MEIOB: variants seen among roughly 807,000 people sequenced by gnomAD.
The protein encoded by MEIOB is meiosis specific with OB-fold.
In MEIOB, 50 loss-of-function variants were observed where a neutral mutation model predicts 53.1. The ratio of observed to expected loss-of-function variants is 0.94; its 90% CI spans 0.75 to 1.19. The LOEUF is 1.19. Among genes scored for constraint, MEIOB ranks in the 50% most tolerant of loss-of-function variants. The probability of loss-of-function intolerance (pLI) is 0.00; values close to 1 mark genes in which losing one functional copy is unlikely to be tolerated. For synonymous variants in MEIOB, 192 were observed against 182.5 expected (o/e 1.05, Z -0.42); for missense variants, 551 against 550.8 (o/e 1.00, Z 0.00).
At chr16:1,871,910 G>A (rs112332693) in intron 1 of MEIOB, 83 bp downstream of exon 1, 1,747 of 26,158 alleles carry the variant, frequency 0.067, 196 homozygotes, top group Middle Eastern at 0.12. Context: ...GCCCTGACCC[G>A]CGCGGGCTCC....
intron 9 of MEIOB, among the ~76,000 whole-genome samples, chr16:1,847,506 G>A (rs1022692100): frequency 3.3e-5 from 5 of 151,452 alleles, no homozygotes; most frequent in Admixed American, 2.0e-4. Context: ...GCCAAGCAAG[G>A]TGGCTCACAC....
chr16:1,858,059 G>A, intron 5 of MEIOB, 129 bp from the exon 6 acceptor site: 1 of 613,286 alleles, frequency 1.6e-6, no homozygotes, highest in Non-Finnish European at 2.8e-6. Flanking sequence ...TTTACTCTTA[G>A]AAACATTGAA....
At chr16:1,856,172 T>TG (rs1242693688) in intron 6 of MEIOB, among the ~76,000 whole-genome samples, 7 of 150,718 alleles carry the variant, frequency 4.6e-5, no homozygotes, top group African/African-American at 2.4e-5. Flanking sequence ...TTTTTTTTTT[T>TG]TGAGACGGAG....
At chr16:1,839,646 T>C (rs1006260780) in intron 11 of MEIOB, 7 of 505,424 alleles carry the variant, frequency 1.4e-5, no homozygotes, top group African/African-American at 3.9e-5. Context: ...TGAAACTGCG[T>C]ACACCAGTCC....
At chr16:1,836,839 G>A (rs1164708368) in intron 13 of MEIOB, among the ~76,000 whole-genome samples, 1 of 152,208 alleles carries the variant, frequency 6.6e-6, no homozygotes, top group African/African-American at 2.4e-5. Flanking sequence ...AATGGAATGT[G>A]TGCTCTAGAA....
intron 12 of MEIOB, chr16:1,838,111 A>G: frequency 1.6e-6 from 1 of 640,486 alleles, no homozygotes; most frequent in Non-Finnish European, 2.7e-6. Flanking sequence ...ATCCTCCCTC[A>G]GCTTCCCGTT....
At chr16:1,865,580 T>G (rs391546) in intron 3 of MEIOB, among the ~76,000 whole-genome samples, 198 bp downstream of exon 3, 99,568 of 151,016 alleles carry the variant, frequency 0.66, 33,010 homozygotes, top group Middle Eastern at 0.76. Context: ...TATACATATA[T>G]ATAGAGAGAG....
At chr16:1,846,248 G>A (rs1374806866) in intron 9 of MEIOB, among the ~76,000 whole-genome samples, 7 of 152,170 alleles carry the variant, frequency 4.6e-5, no homozygotes, top group African/African-American at 1.7e-4. Context: ...CTGGAGTGAG[G>A]CCACAGAAAT....
intron 5 of MEIOB, among the ~76,000 whole-genome samples, chr16:1,858,224 G>A (rs1210003442): frequency 3.3e-5 from 5 of 152,138 alleles, no homozygotes; most frequent in South Asian, 2.1e-4. Flanking sequence ...GCAAAAAAGC[G>A]CTCTGAAACT....
At chr16:1,838,090 G>T in intron 12 of MEIOB, 1 of 776,946 alleles carries the variant, frequency 1.3e-6, no homozygotes, top group Middle Eastern at 2.4e-4. Flanking sequence ...TCGAACTCCC[G>T]GGGTCAAGCA....
At chr16:1,860,584 T>C in intron 4 of MEIOB, 109 bp from the exon 5 acceptor site, 1 of 652,602 alleles carries the variant, frequency 1.5e-6, no homozygotes, top group Non-Finnish European at 2.6e-6. Context: ...CTCTAGGCTT[T>C]AAAAATTCCT....
intron 5 of MEIOB, 151 bp downstream of exon 5, chr16:1,860,252 T>C (rs1234615766): frequency 2.0e-6 from 1 of 498,890 alleles, no homozygotes; most frequent in Non-Finnish European, 3.5e-6. Flanking sequence ...AATTATGTCA[T>C]AATCAAAGAT....
At chr16:1,863,464 G>C (rs1249608447) in intron 3 of MEIOB, among the ~76,000 whole-genome samples, 1 of 151,682 alleles carries the variant, frequency 6.6e-6, no homozygotes, top group East Asian at 1.9e-4. Flanking sequence ...TCAGCTCACA[G>C]CAACCTCTGC....
intron 13 of MEIOB, chr16:1,837,573 A>G (rs11643835): frequency 0.18 from 63,239 of 360,506 alleles, 6,015 homozygotes; most frequent in South Asian, 0.27. Flanking sequence ...TTGTTGGTCT[A>G]TTTTCTTTGA....
intron 9 of MEIOB, among the ~76,000 whole-genome samples, chr16:1,847,633 CAG>C (rs1489460472): frequency 2.0e-5 from 3 of 151,392 alleles, no homozygotes; most frequent in East Asian, 3.9e-4. Context: ...AAAGAAAAAA[CAG>C]AGAAAGAAAG....
intron 9 of MEIOB, among the ~76,000 whole-genome samples, chr16:1,851,403 A>G (rs1333473902): frequency 6.6e-6 from 1 of 151,988 alleles, no homozygotes; most frequent in African/African-American, 2.4e-5. Context: ...ACTCTGTTCC[A>G]CCTGTTCTCC....
chr16:1,862,464 A>G (rs1484484477), intron 3 of MEIOB, among the ~76,000 whole-genome samples: 2 of 152,114 alleles, frequency 1.3e-5, no homozygotes, highest in South Asian at 4.1e-4. Flanking sequence ...TGTTGTTTCA[A>G]CCTAAGTCAT....
chr16:1,867,416 T>G (rs1037534611), intron 2 of MEIOB, among the ~76,000 whole-genome samples: 2 of 151,658 alleles, frequency 1.3e-5, no homozygotes, highest in African/African-American at 2.4e-5. Context: ...GACCATAAAT[T>G]GGATAATTTG....
chr16:1,840,658 C>T (rs1898881886), intron 11 of MEIOB, among the ~76,000 whole-genome samples: 1 of 151,970 alleles, frequency 6.6e-6, no homozygotes, highest in Non-Finnish European at 1.5e-5. Context: ...ACGCCATTCT[C>T]CTGCCTCATC....
Sources: allele counts gnomAD v4.1 joint callset (sites outside exome capture counted in the v4.1 genomes callset), GRCh38; gene constraint gnomAD v4.1.1; transcripts MANE v1.5; gene names NCBI Gene and HGNC (gene_info 2026-07-23, HGNC 2026-07-21).